NLRP2: variants seen among roughly 807,000 people sequenced by gnomAD.
The protein encoded by NLRP2 is NLR family pyrin domain containing 2.
Under a neutral mutation model 97.2 loss-of-function variants are expected in NLRP2, and 107 were observed. The ratio of observed to expected loss-of-function variants is 1.10; its 90% confidence interval spans 0.94 to 1.29. The LOEUF (loss-of-function observed/expected upper bound fraction) is 1.29. Among genes scored for constraint, NLRP2 ranks in the 50% most tolerant of loss-of-function variants. The probability of loss-of-function intolerance (pLI) is 0.00; values close to 1 mark genes in which losing one functional copy is unlikely to be tolerated. For synonymous variants in NLRP2, 663 were observed against 551.5 expected, an observed-to-expected ratio of 1.20 and a Z score of -2.83; for missense variants, 1,495 against 1,330.3, an observed-to-expected ratio of 1.12 and a Z score of -1.93.
intron 8 of NLRP2, 94 bp downstream of exon 8, chr19:54,986,409 A>T (rs548814878): frequency 8.6e-7 from 1 of 1,168,022 alleles, no homozygotes. Context: ...AAAGTTCGTT[A>T]TTCTGACTAG....
At chr19:55,000,263 A>G (rs541662901) in intron 12 of NLRP2, among the ~76,000 whole-genome samples, 44 of 104,104 alleles carry the variant, frequency 4.2e-4, no homozygotes, top group Non-Finnish European at 7.2e-4. Flanking sequence ...GGCAACAGAG[A>G]GACTGTCTTT....
chr19:54,988,248 A>C (rs1488241829), intron 8 of NLRP2, among the ~76,000 whole-genome samples: 2 of 152,126 alleles, frequency 1.3e-5, no homozygotes, highest in African/African-American at 2.4e-5. Flanking sequence ...AATGGGATGC[A>C]GGGTGAGGGG....
intron 6 of NLRP2, 149 bp downstream of exon 6, chr19:54,983,877 G>C: frequency 8.2e-7 from 1 of 1,225,854 alleles, no homozygotes; most frequent in Non-Finnish European, 1.2e-6. Flanking sequence ...TTGAGATGGA[G>C]TCTTGCTCTG....
intron 6 of NLRP2, among the ~76,000 whole-genome samples, chr19:54,984,500 T>TTTTTTTTTTTTTTTTTTTTTTTTTTA (rs764786892): frequency 1.5e-5 from 2 of 132,852 alleles, no homozygotes; most frequent in African/African-American, 5.8e-5. Context: ...TTTTTTTTTT[T>TTTTTTTTTTTTTTTTTTTTTTTTTTA]GAGACGGAGT....
intron 8 of NLRP2, 180 bp from the exon 9 acceptor site, chr19:54,989,842 G>A (rs981841300): frequency 3.1e-5 from 20 of 650,160 alleles, no homozygotes; most frequent in Non-Finnish European, 5.4e-5. Context: ...AAATTAGCTG[G>A]GCATGTTGGT....
At chr19:54,994,966 C>T (rs1393509136) in intron 11 of NLRP2, among the ~76,000 whole-genome samples, 2 of 151,278 alleles carry the variant, frequency 1.3e-5, no homozygotes, top group Admixed American at 6.6e-5. Flanking sequence ...TTTAAGGATA[C>T]AGTGCCTCAA....
Position 54,995,127 on chromosome 19 carries a change from A to G in NLRP2, c.2879+688A>G, listed in dbSNP as rs936076163. 9.2e-5 allele frequency among the ~76,000 whole-genome samples: 10 copies of G among 108,634 alleles called. No individual in the cohort carries two copies. The East Asian group carries it at 2.4e-3, about 26-fold the overall frequency. 71.3% of individuals were successfully genotyped at this position (108,634 alleles called of 152,430 possible). ...TCAGGAGCTCAAGACCAGCCTGGCC[A>G]ACTTGAAACTCCATCTCTACTAAAA... is the stretch of plus-strand genomic sequence containing the variant. On this transcript the variant is annotated intron_variant, in intron 11 of 12. Transcript: ENST00000448584.
intron 8 of NLRP2, among the ~76,000 whole-genome samples, chr19:54,988,666 T>C (rs76616660): frequency 0.16 from 23,777 of 151,990 alleles, 2,244 homozygotes; most frequent in East Asian, 0.47. Context: ...ATTACAGCCA[T>C]GTGCCACCAC....
chr19:54,999,121 G>A (rs2146571755), intron 12 of NLRP2, among the ~76,000 whole-genome samples: 1 of 149,444 alleles, frequency 6.7e-6, no homozygotes, highest in East Asian at 2.0e-4. Context: ...CTCCCGGACA[G>A]GGCGGCTGGC....
Position 54,982,718 on chromosome 19 carries a change from C to T in NLRP2, c.1020C>T (p.Ala340=), listed in dbSNP as rs199475713. Residue 340 remains alanine (A), a synonymous_variant, in exon 6 of 13, where the codon GCC becomes GCT. Coordinates refer to ENST00000448584, the MANE Select transcript of NLRP2 (RefSeq NM_017852.5). The part of the protein sequence containing the change: ...AALLVTTRPR[A]LRDLRILAEE... ...TGCTGGTCACCACGCGGCCCAGGGCCCTGAGGGACCTCCGGATCCTGGCGG... is the reference window on the plus strand; with the variant it reads ...TGCTGGTCACCACGCGGCCCAGGGCTCTGAGGGACCTCCGGATCCTGGCGG... 11 of 1,614,026 alleles carry T rather than the reference C, an allele frequency of 6.8e-6. No homozygotes were observed. The highest frequency in any genetic ancestry group is 7.6e-6 in the Non-Finnish European group (9 of 1,179,974).
At chr19:54,984,324 T>TG in intron 6 of NLRP2, among the ~76,000 whole-genome samples, 2 of 99,640 alleles carry the variant, frequency 2.0e-5, no homozygotes, top group African/African-American at 9.3e-5. Flanking sequence ...GGGGTTTTTT[T>TG]TTGTGTTTTT....
chr19:54,989,025 T>G (rs2072282800), intron 8 of NLRP2, among the ~76,000 whole-genome samples: 1 of 152,000 alleles, frequency 6.6e-6, no homozygotes, highest in Non-Finnish European at 1.5e-5. Flanking sequence ...TGGAGTGATC[T>G]CGGCTTACTG....
chr19:54,985,696 A>AAG (rs1376025014), intron 7 of NLRP2, among the ~76,000 whole-genome samples: 1 of 143,836 alleles, frequency 7.0e-6, no homozygotes, highest in Non-Finnish European at 1.5e-5. Flanking sequence ...AAAAAAAAAA[A>AAG]AAGAAAAAGA....
chr19:54,975,904 C>T (rs188302573), intron 3 of NLRP2, among the ~76,000 whole-genome samples: 124 of 152,082 alleles, frequency 8.2e-4, no homozygotes, highest in African/African-American at 2.9e-3. Context: ...GTGTGCACTG[C>T]CACACCTGAC....
At chr19:54,967,020 T>G (rs2070488250) in intron 1 of NLRP2, among the ~76,000 whole-genome samples, 1 of 151,486 alleles carries the variant, frequency 6.6e-6, no homozygotes, top group South Asian at 2.1e-4. Context: ...CTAATAATAT[T>G]ATTATTACCA....
chr19:54,978,453 GTC>G (rs1336250053), intron 4 of NLRP2, among the ~76,000 whole-genome samples: 1 of 151,970 alleles, frequency 6.6e-6, no homozygotes, highest in Admixed American at 6.6e-5. Context: ...ATTCAGGGTG[GTC>G]TCAAACTCCT....
intron 10 of NLRP2, among the ~76,000 whole-genome samples, chr19:54,992,771 C>T (rs188542395): frequency 1.3e-5 from 2 of 151,734 alleles, no homozygotes; most frequent in African/African-American, 4.8e-5. Flanking sequence ...GTTGGTCAAG[C>T]TGGTCTCGAA....
rs1367426852 is a variant in NLRP2 at position 54,972,035 on chromosome 19, G to T, written c.280+1740G>T. On this transcript the variant is annotated intron_variant, in intron 2 of 12. Coordinates refer to ENST00000448584, the MANE Select transcript of NLRP2 (RefSeq NM_017852.5). ...TTTTTTGTATTCTAAATAGAGATGGGGTTTCACCATGTTAGCCAGGATAGT... is the reference window on the plus strand; with the variant it reads ...TTTTTTGTATTCTAAATAGAGATGGTGTTTCACCATGTTAGCCAGGATAGT... 2.0e-5 allele frequency among the ~76,000 whole-genome samples: 3 copies of T among 149,620 alleles called. No individual in the cohort carries two copies. In the East Asian group the frequency reaches 5.9e-4, roughly 29 times the overall value.
At chr19:54,992,455 G>A (rs890630832) in intron 10 of NLRP2, among the ~76,000 whole-genome samples, 8 of 144,922 alleles carry the variant, frequency 5.5e-5, no homozygotes, top group African/African-American at 7.6e-5. Context: ...AGATGTCACC[G>A]ACTCACTAAC....
Sources: allele counts gnomAD v4.1 joint callset (sites outside exome capture counted in the v4.1 genomes callset), GRCh38; gene constraint gnomAD v4.1.1; transcripts MANE v1.5; gene names NCBI Gene and HGNC (gene_info 2026-07-23, HGNC 2026-07-21).